Variants in C1orf122 observed in about 807,000 individuals in gnomAD.
C1orf122 encodes uncharacterized protein C1orf122.
In C1orf122, 12 loss-of-function variants were observed where a neutral mutation model predicts 12.9. The ratio of observed to expected loss-of-function variants is 0.93; its 90% CI spans 0.60 to 1.51. The LOEUF is 1.51. Ranked by LOEUF, C1orf122 falls within the 40% of genes most tolerant of loss-of-function variation. The pLI is 0.00. For synonymous variants in C1orf122, 57 were observed against 73.4 expected (o/e 0.78, Z 1.14); for missense variants, 144 against 162.1 (o/e 0.89, Z 0.61).
In C1orf122 at chr1:37,808,376, G is replaced by C. The variant is rs1206767222; in HGVS notation, c.-29G>C. 9 of 1,287,994 alleles carry C rather than the reference G, an allele frequency of 7.0e-6. No individual in the cohort carries two copies. Among genetic ancestry groups the C allele is most frequent in the Non-Finnish European group, 8.8e-6 (9 of 1,019,330 alleles). 79.8% of individuals were successfully genotyped at this position (1,287,994 alleles called of 1,614,324 possible). On this transcript the variant is annotated 5_prime_UTR_variant, in exon 1 of 3. Transcript: ENST00000373042. ...GCTGGGGAGGGGGGCGGCCGAAAGG[G>C]GGGCGGTGGTCGGGCCGCGCAAGCG... is the stretch of plus-strand genomic sequence containing the variant.
At position 37,808,240 on chromosome 1, in the gene C1orf122, C is replaced by A; in HGVS notation, c.-165C>A. ...CCCAGCCAGCTTCCGGTCCAGGAGA[C>A]TCGGCCCCGCCTCTGCGCCGGGCAG... On this transcript the variant is annotated 5_prime_UTR_variant, in exon 1 of 3. Coordinates refer to ENST00000373042, the MANE Select transcript of C1orf122 (RefSeq NM_198446.3). 7.3e-7 allele frequency: 1 copy of A among 1,365,986 alleles called. No individual in the cohort carries two copies. Among genetic ancestry groups the A allele is most frequent in the Non-Finnish European group, 9.4e-7 (1 of 1,062,278 alleles). 84.6% of individuals were successfully genotyped at this position (1,365,986 alleles called of 1,614,324 possible). A position where few individuals can be genotyped will look rare whatever the true frequency, so the allele number is the denominator to read the frequency against.
chr1:37,809,019 C>T lies in C1orf122; in HGVS notation c.279C>T (p.Val93=), dbSNP rs1217980267. ...CTGGAGCGCCCCCCCAGCCGGCTGT[C>T]TCCGCCAGAGGCGGCTTTCCAAAGG... ...AKPGAPPQPA[V]SARGGFPKDA... is the part of the protein sequence containing the mutation. Residue 93 remains valine, a synonymous_variant, in exon 3 of 3, where the codon GTC becomes GTT. Transcript: ENST00000373042. 2 of 1,613,974 alleles carry T rather than the reference C, an allele frequency of 1.2e-6. No homozygotes were observed. Among genetic ancestry groups the T allele is most frequent in the Non-Finnish European group, 8.5e-7 (1 of 1,180,030 alleles).
At position 37,808,442 on chromosome 1, in the gene C1orf122, G is replaced by T; in HGVS notation, c.35+3G>T. The T allele has an allele frequency of 7.8e-7, 1 of 1,281,632 alleles. No individual in the cohort carries two copies. The allele number at this position is 1,281,632 out of a possible 1,614,324, so 79.4% of individuals were successfully genotyped here. On this transcript the variant is annotated splice_donor_region_variant and intron_variant, in intron 1 of 2. Transcript: ENST00000373042. ...CCGGGCTCAGACTGGTCACGGGGGT[G>T]AGAGGGGGCCCGTCGGGGCGGGAGG...
Position 37,808,713 on chromosome 1 carries a change from C to T in C1orf122, c.218C>T (p.Pro73Leu), listed in dbSNP as rs1310051271. The change falls in exon 2 of 3, where the codon CCG (proline) becomes CTG (leucine). Residue 73 changes from proline (P) to leucine (L), a missense_variant. Pro to Leu is a moderately conservative substitution (Grantham distance 98). Coordinates refer to ENST00000373042, the MANE Select transcript of C1orf122 (RefSeq NM_198446.3). ...TTACGGCAGCTGGGCCGCCGGCGCCCGGAGCCGGCTGGTGGCGGGGTTAGT... is the reference window on the plus strand; with the variant it reads ...TTACGGCAGCTGGGCCGCCGGCGCCTGGAGCCGGCTGGTGGCGGGGTTAGT... The part of the protein sequence containing the change: ...EMLRQLGRRR[P>L]EPAGGGNVSA... 4.2e-6 allele frequency: 6 copies of T among 1,426,050 alleles called. No homozygotes were observed. Among genetic ancestry groups the T allele is most frequent in the Admixed American group, 6.6e-5 (2 of 30,274 alleles). 88.3% of individuals were successfully genotyped at this position (1,426,050 alleles called of 1,614,324 possible). A position where few individuals can be genotyped will look rare whatever the true frequency, so the allele number is the denominator to read the frequency against.
At position 37,809,028 on chromosome 1, in the gene C1orf122, A is replaced by C. The variant is rs1396052955; in HGVS notation, c.288A>C (p.Arg96Ser). 1 of 1,613,806 alleles carries C rather than the reference A, an allele frequency of 6.2e-7. No homozygotes were observed. The highest frequency in any genetic ancestry group is 1.3e-5 in the African/African-American group (1 of 74,934). Residue 96 changes from arginine to serine, a missense_variant, in exon 3 of 3, where the codon AGA becomes AGC. Physicochemically the swap from Arg to Ser is moderately radical, Grantham distance 110. Coordinates refer to ENST00000373042, the MANE Select transcript of C1orf122 (RefSeq NM_198446.3). ...GAPPQPAVSA[R>S]GGFPKDAGDG... is the part of the protein sequence containing the mutation. ...CCCCCCAGCCGGCTGTCTCCGCCAGAGGCGGCTTTCCAAAGGATGCTGGCG... is the reference window on the plus strand; with the variant it reads ...CCCCCCAGCCGGCTGTCTCCGCCAGCGGCGGCTTTCCAAAGGATGCTGGCG...
Position 37,808,162 on chromosome 1 carries a change from AC to A in C1orf122, c.-241del, listed in dbSNP as rs1646755536. The A allele has an allele frequency of 2.1e-6, 3 of 1,459,950 alleles. No individual in the cohort carries two copies. The East Asian group carries it at 9.1e-5, about 44-fold the overall frequency. 90.4% of individuals were successfully genotyped at this position (1,459,950 alleles called of 1,614,324 possible). On this transcript the variant is annotated 5_prime_UTR_variant, in exon 1 of 3. Coordinates refer to ENST00000373042, the MANE Select transcript of C1orf122 (RefSeq NM_198446.3). ...GCCACCGCGGCCCTCATCCCCCTGC[AC>A]CGACGCGCCGGAGACATCCGCCCAG...
At position 37,808,056 on chromosome 1, in the gene C1orf122, G is replaced by A. The variant is rs1386150313; in HGVS notation, c.-349G>A. 14 of 1,325,170 alleles carry A rather than the reference G, an allele frequency of 1.1e-5. No homozygotes were observed. Among genetic ancestry groups the A allele is most frequent in the African/African-American group, 1.5e-5 (1 of 64,710 alleles). 82.1% of individuals were successfully genotyped at this position (1,325,170 alleles called of 1,614,324 possible). On this transcript the variant is annotated 5_prime_UTR_variant, in exon 1 of 3. Transcript: ENST00000373042. ...GAGCCGCAACAGCCGGGCGCCGGGG[G>A]CCGCCGGAGCGGGACTCGGCGGGCG... is the stretch of plus-strand genomic sequence containing the variant.
chr1:37,808,498 C>T (rs2148392967), intron 1 of C1orf122, 33 bp from the exon 2 acceptor site: 13 of 1,283,816 alleles, frequency 1.0e-5, no homozygotes, highest in Non-Finnish European at 1.3e-5. Flanking sequence ...AGCGCCGGCC[C>T]TGACCGTCTG....
At position 37,808,316 on chromosome 1, in the gene C1orf122, G is replaced by C. The variant is rs916368188; in HGVS notation, c.-89G>C. The C allele has an allele frequency of 8.6e-6, 11 of 1,283,598 alleles. No individual in the cohort carries two copies. Among genetic ancestry groups the C allele is most frequent in the African/African-American group, 3.1e-5 (2 of 64,624 alleles). The allele number at this position is 1,283,598 out of a possible 1,614,324, so 79.5% of individuals were successfully genotyped here. On this transcript the variant is annotated 5_prime_UTR_variant, in exon 1 of 3. Coordinates refer to ENST00000373042, the MANE Select transcript of C1orf122 (RefSeq NM_198446.3). ...GGATTGAAGGAGACCGGTGGGGACG[G>C]GGCGGGGCGCAGCCTTGCGAAGCCC...
Position 37,808,118 on chromosome 1 carries a change from G to A in C1orf122, c.-287G>A, listed in dbSNP as rs1017376009. The A allele has an allele frequency of 2.7e-6, 4 of 1,457,842 alleles. No individual in the cohort carries two copies. The highest frequency in any genetic ancestry group is 2.6e-5 in the South Asian group (2 of 76,096). 90.3% of individuals were successfully genotyped at this position (1,457,842 alleles called of 1,614,324 possible). ...CGCTCCGGGAGCCAGCAGGCCCCTC[G>A]CTCAACCCCACGCTGGCAGCCACCG... is the stretch of plus-strand genomic sequence containing the variant. On this transcript the variant is annotated 5_prime_UTR_variant, in exon 1 of 3. Coordinates refer to ENST00000373042, the MANE Select transcript of C1orf122 (RefSeq NM_198446.3).
rs777153816 is a variant in C1orf122 at position 37,807,948 on chromosome 1, C to A, written c.-457C>A. On this transcript the variant is annotated 5_prime_UTR_variant, in exon 1 of 3. Coordinates refer to ENST00000373042, the MANE Select transcript of C1orf122 (RefSeq NM_198446.3). ...GGGGACGGCCACCACGGCGCCGGCG[C>A]GCAGCTCGGCCACGGCGGCCCGCAG... The A allele has an allele frequency of 1.6e-6, 2 of 1,230,882 alleles. No homozygotes were observed. Among genetic ancestry groups the A allele is most frequent in the South Asian group, 3.7e-5 (1 of 27,074 alleles). The allele number at this position is 1,230,882 out of a possible 1,614,324, so 76.2% of individuals were successfully genotyped here.
In C1orf122 at chr1:37,808,135, C is replaced by A; in HGVS notation, c.-270C>A. 1 of 1,469,708 alleles carries A rather than the reference C, an allele frequency of 6.8e-7. No individual in the cohort carries two copies. The highest frequency in any genetic ancestry group is 9.0e-7 in the Non-Finnish European group (1 of 1,117,290). 91.0% of individuals were successfully genotyped at this position (1,469,708 alleles called of 1,614,324 possible). A position where few individuals can be genotyped will look rare whatever the true frequency, so the allele number is the denominator to read the frequency against. On this transcript the variant is annotated 5_prime_UTR_variant, in exon 1 of 3. Transcript: ENST00000373042. ...GGCCCCTCGCTCAACCCCACGCTGG[C>A]AGCCACCGCGGCCCTCATCCCCCTG...
rs1569829560 is a variant in C1orf122, at chr1:37,808,383, T to C, written c.-22T>C. On this transcript the variant is annotated 5_prime_UTR_variant, in exon 1 of 3. Transcript: ENST00000373042. Reference sequence around the variant, plus strand: ...AGGGGGGCGGCCGAAAGGGGGGCGGTGGTCGGGCCGCGCAAGCGGAGATGG... The same window carrying C: ...AGGGGGGCGGCCGAAAGGGGGGCGGCGGTCGGGCCGCGCAAGCGGAGATGG... 3.9e-6 allele frequency: 5 copies of C among 1,276,326 alleles called. No individual in the cohort carries two copies. The East Asian group carries it at 1.6e-4, about 40-fold the overall frequency. 79.1% of individuals were successfully genotyped at this position (1,276,326 alleles called of 1,614,324 possible).
Position 37,808,576 on chromosome 1 carries a change from C to G in C1orf122, c.81C>G (p.Gly27=). 7.7e-7 allele frequency: 1 copy of G among 1,293,510 alleles called. No homozygotes were observed. Among genetic ancestry groups the G allele is most frequent in the Non-Finnish European group, 9.8e-7 (1 of 1,022,244 alleles). The allele number at this position is 1,293,510 out of a possible 1,614,324, so 80.1% of individuals were successfully genotyped here. A position where few individuals can be genotyped will look rare whatever the true frequency, so the allele number is the denominator to read the frequency against. The change falls in exon 2 of 3, where the codon GGC becomes GGG. Residue 27 remains glycine, a synonymous_variant. Coordinates refer to ENST00000373042, the MANE Select transcript of C1orf122 (RefSeq NM_198446.3). ...VDRGKAGLGL[G]GRPPPQPPRE... is the part of the protein sequence containing the mutation. ...GCGGGAAGGCGGGGCTGGGGCTCGG[C>G]GGGAGGCCACCCCCACAGCCGCCCC...
At chr1:37,808,833 G>A (rs1646764265) in intron 2 of C1orf122, 101 bp downstream of exon 2, 13 of 1,445,644 alleles carry the variant, frequency 9.0e-6, no homozygotes, top group South Asian at 8.2e-5. Flanking sequence ...GTATGTCTCC[G>A]CCGCTTTATC....
In C1orf122 at chr1:37,808,650, G is replaced by C; in HGVS notation, c.155G>C (p.Arg52Pro). The C allele has an allele frequency of 7.5e-7, 1 of 1,336,780 alleles. No individual in the cohort carries two copies. Among genetic ancestry groups the C allele is most frequent in the African/African-American group, 1.5e-5 (1 of 65,830 alleles). 82.8% of individuals were successfully genotyped at this position (1,336,780 alleles called of 1,614,324 possible). A position where few individuals can be genotyped will look rare whatever the true frequency, so the allele number is the denominator to read the frequency against. Reference protein sequence around the residue: ...QLLDAVEQRQRQLLDTIAACE... With the variant: ...QLLDAVEQRQPQLLDTIAACE... ...CTGGACGCGGTGGAGCAGCGGCAGC[G>C]GCAGCTCCTGGACACCATCGCAGCC... The change falls in exon 2 of 3, where the codon CGG (arginine) becomes CCG (proline). Residue 52 changes from arginine (R) to proline (P), a missense_variant. Physicochemically the swap from Arg to Pro is moderately radical, Grantham distance 103. Coordinates refer to ENST00000373042, the MANE Select transcript of C1orf122 (RefSeq NM_198446.3).
chr1:37,808,242 C>A lies in C1orf122; in HGVS notation c.-163C>A. 7.3e-7 allele frequency: 1 copy of A among 1,361,348 alleles called. No individual in the cohort carries two copies. Among genetic ancestry groups the A allele is most frequent in the Non-Finnish European group, 9.4e-7 (1 of 1,059,740 alleles). The allele number at this position is 1,361,348 out of a possible 1,614,324, so 84.3% of individuals were successfully genotyped here. A position where few individuals can be genotyped will look rare whatever the true frequency, so the allele number is the denominator to read the frequency against. On this transcript the variant is annotated 5_prime_UTR_variant, in exon 1 of 3. Coordinates refer to ENST00000373042, the MANE Select transcript of C1orf122 (RefSeq NM_198446.3). ...CAGCCAGCTTCCGGTCCAGGAGACTCGGCCCCGCCTCTGCGCCGGGCAGCT... is the reference window on the plus strand; with the variant it reads ...CAGCCAGCTTCCGGTCCAGGAGACTAGGCCCCGCCTCTGCGCCGGGCAGCT...
rs941865764 is a variant in C1orf122 at position 37,807,980 on chromosome 1, G to A, written c.-425G>A. On this transcript the variant is annotated 5_prime_UTR_variant, in exon 1 of 3. Transcript: ENST00000373042. ...CGGCCACGGCGGCCCGCAGCGCCTC[G>A]GTCCAGCCGGCGCGCTCCGGGCTCG... 5.0e-6 allele frequency: 6 copies of A among 1,206,036 alleles called. No individual in the cohort carries two copies. In the Admixed American group the frequency reaches 1.3e-4, roughly 27 times the overall value. 74.7% of individuals were successfully genotyped at this position (1,206,036 alleles called of 1,614,324 possible). A position where few individuals can be genotyped will look rare whatever the true frequency, so the allele number is the denominator to read the frequency against.
rs1441429218 is a variant in C1orf122, at chr1:37,808,638, A to AGCAGCG, written c.155_160dup (p.Arg52_Gln53dup). On this transcript the variant is annotated inframe_insertion, in exon 2 of 3. Transcript: ENST00000373042. ...GCCCAGCAGCTGCTGGACGCGGTGG[A>AGCAGCG]GCAGCGGCAGCGGCAGCTCCTGGAC... 2.6e-5 allele frequency: 35 copies of AGCAGCG among 1,330,406 alleles called. No homozygotes were observed. Among genetic ancestry groups the AGCAGCG allele is most frequent in the Non-Finnish European group, 1.9e-5 (20 of 1,043,328 alleles). 82.4% of individuals were successfully genotyped at this position (1,330,406 alleles called of 1,614,324 possible).
Sources: allele counts gnomAD v4.1 joint callset, GRCh38; gene constraint gnomAD v4.1.1; transcripts MANE v1.5; gene names NCBI Gene and HGNC (gene_info 2026-07-23, HGNC 2026-07-21).